The following PCTP variants were observed in gnomAD, a reference collection of about 807,000 sequenced individuals.
The protein encoded by PCTP is START domain-containing protein 2.
PCTP carries 27 observed loss-of-function variants against 31.0 expected under a neutral mutation model. The observed-to-expected ratio is 0.87, with a 90% CI of 0.64 to 1.20. The LOEUF is 1.20. Ranked by LOEUF, PCTP falls within the 50% of genes most tolerant of loss-of-function variation. PCTP has a pLI of 0.00. For missense variants in PCTP, 287 were observed against 268.2 expected, an observed-to-expected ratio of 1.07 and a Z score of -0.49; for synonymous variants, 108 against 101.2, an observed-to-expected ratio of 1.07 and a Z score of -0.40.
At chr17:55,772,728 A>G (rs577975297) in intron 3 of PCTP, among the ~76,000 whole-genome samples, 47 of 152,332 alleles carry the variant, frequency 3.1e-4, no homozygotes, top group African/African-American at 1.1e-3. Flanking sequence ...CTGTTTTATG[A>G]AAGTGTAACT....
At chr17:55,826,646 C>T (rs1398140838), downstream of PCTP, among the ~76,000 whole-genome samples, 3 of 152,150 alleles carry the variant, frequency 2.0e-5, no homozygotes, top group Admixed American at 1.3e-4. Flanking sequence ...TAGTTTTCTT[C>T]ATTGGCATCA....
intron 5 of PCTP, among the ~76,000 whole-genome samples, chr17:55,839,933 A>C (rs1001054676): frequency 6.7e-6 from 1 of 149,922 alleles, no homozygotes; most frequent in Admixed American, 6.6e-5. Context: ...AAAAAAAAAA[A>C]AAAAAAAAAA....
chr17:55,751,176 C>T lies in PCTP; in HGVS notation c.73C>T (p.Leu25=), dbSNP rs1476593873. ...CTGCGCCGAGCTCCAGCAGCCCGCT[C>T]TGGCCGGGGCCGACTGGCAGCTCCT... ...EACAELQQPA[L]AGADWQLLVE... is the part of the protein sequence containing the mutation. The change falls in exon 1 of 6, where the codon CTG becomes TTG. Residue 25 remains leucine, a synonymous_variant. Coordinates refer to ENST00000268896, the MANE Select transcript of PCTP (RefSeq NM_021213.4). 11 of 1,548,594 alleles carry T rather than the reference C, an allele frequency of 7.1e-6. No homozygotes were observed. The highest frequency in any genetic ancestry group is 1.4e-5 in the African/African-American group (1 of 73,008).
chr17:55,783,241 G>T (rs536349667), intron 2 of PCTP, among the ~76,000 whole-genome samples: 1 of 152,192 alleles, frequency 6.6e-6, no homozygotes, highest in South Asian at 2.1e-4. Flanking sequence ...CCGTTGGAGA[G>T]CTCATACTAG....
At chr17:55,771,984 T>C (rs530888601) in intron 3 of PCTP, among the ~76,000 whole-genome samples, 19 of 152,302 alleles carry the variant, frequency 1.2e-4, no homozygotes, top group Admixed American at 8.5e-4. Flanking sequence ...AAAAAAAGTT[T>C]GGAAGCCACT....
chr17:55,803,201 A>C (rs1293295087), intron 3 of PCTP, among the ~76,000 whole-genome samples: 1 of 152,202 alleles, frequency 6.6e-6, no homozygotes, highest in East Asian at 1.9e-4. Context: ...TGCTCAAGGA[A>C]ATAAGAGAGG....
At chr17:55,794,714 T>C (rs1912126427) in intron 3 of PCTP, among the ~76,000 whole-genome samples, 2 of 152,036 alleles carry the variant, frequency 1.3e-5, no homozygotes, top group South Asian at 4.1e-4. Context: ...TCACATTCTT[T>C]TATTTTTCCC....
At chr17:55,839,002 C>A (rs980806521) in intron 5 of PCTP, among the ~76,000 whole-genome samples, 2 of 152,078 alleles carry the variant, frequency 1.3e-5, no homozygotes, top group African/African-American at 2.4e-5. Flanking sequence ...TTAACAAAAC[C>A]AAACCAAACC....
intron 5 of PCTP, among the ~76,000 whole-genome samples, chr17:55,832,943 G>A (rs1905652949): frequency 6.6e-6 from 1 of 152,132 alleles, no homozygotes; most frequent in African/African-American, 2.4e-5. Flanking sequence ...AGTTTAAAGA[G>A]ACCATCCTTC....
At chr17:55,783,640 G>GA (rs1175881265) in intron 2 of PCTP, among the ~76,000 whole-genome samples, 1 of 152,196 alleles carries the variant, frequency 6.6e-6, no homozygotes, top group Non-Finnish European at 1.5e-5. Context: ...ACCAGTGAAT[G>GA]TGGTGGTTCA....
chr17:55,808,682 A>G (rs1324060937), intron 3 of PCTP, among the ~76,000 whole-genome samples: 1 of 152,168 alleles, frequency 6.6e-6, no homozygotes, highest in Non-Finnish European at 1.5e-5. Flanking sequence ...TCTCTGTCCA[A>G]AGCTTAGCAG....
chr17:55,843,067 A>G (rs1906035621), downstream of PCTP, among the ~76,000 whole-genome samples: 1 of 152,228 alleles, frequency 6.6e-6, no homozygotes, highest in Non-Finnish European at 1.5e-5. Context: ...AATACAGGTT[A>G]TATTACATGT....
At chr17:55,798,510 C>T (rs1452101609) in intron 3 of PCTP, among the ~76,000 whole-genome samples, 8 of 151,740 alleles carry the variant, frequency 5.3e-5, no homozygotes, top group Admixed American at 3.9e-4. Flanking sequence ...TTAGCATTAA[C>T]GAAAGAATCC....
intron 3 of PCTP, among the ~76,000 whole-genome samples, chr17:55,817,682 T>C (rs1254409622): frequency 6.6e-6 from 1 of 152,206 alleles, no homozygotes; most frequent in East Asian, 1.9e-4. Context: ...CTTTATTGTC[T>C]GAAGCTCAAA....
intron 3 of PCTP, among the ~76,000 whole-genome samples, chr17:55,810,352 G>A (rs925392070): frequency 3.9e-5 from 6 of 152,148 alleles, no homozygotes; most frequent in African/African-American, 9.7e-5. Context: ...TGGGAAGGCC[G>A]AGCAAACCAA....
intron 2 of PCTP, among the ~76,000 whole-genome samples, chr17:55,768,029 G>A (rs1597981971): frequency 6.6e-6 from 1 of 151,242 alleles, no homozygotes; most frequent in African/African-American, 2.4e-5. Context: ...AAGAAGCAGA[G>A]GTTGCAGTGA....
chr17:55,754,700 A>G (rs1015679641), intron 1 of PCTP, among the ~76,000 whole-genome samples: 1 of 152,190 alleles, frequency 6.6e-6, no homozygotes, highest in Non-Finnish European at 1.5e-5. Context: ...CTTCCAGGGT[A>G]TGAGGCAGGA....
chr17:55,801,997 G>T (rs1340431562), intron 3 of PCTP, among the ~76,000 whole-genome samples: 1 of 151,632 alleles, frequency 6.6e-6, no homozygotes, highest in African/African-American at 2.4e-5. Context: ...AAAGAGAGAA[G>T]AATCAAATAG....
chr17:55,757,222 A>G (rs1211628168), intron 1 of PCTP, among the ~76,000 whole-genome samples: 1 of 150,770 alleles, frequency 6.6e-6, no homozygotes, highest in Non-Finnish European at 1.5e-5. Context: ...ATATGTATAT[A>G]TATACACATA....
Sources: gnomAD v4.1 joint callset for allele counts (sites outside exome capture counted in the v4.1 genomes callset) on GRCh38, gnomAD v4.1.1 for gene constraint, MANE v1.5 for transcripts, NCBI Gene and HGNC (gene_info 2026-07-23, HGNC 2026-07-21) for gene names.